ADCY5: variants seen among roughly 807,000 people sequenced by gnomAD.
The protein encoded by ADCY5 is adenylate cyclase 5.
A neutral mutation model predicts 119.7 loss-of-function variants in ADCY5; 30 were observed. The ratio of observed to expected loss-of-function variants is 0.25; its 90% confidence interval spans 0.19 to 0.34. The LOEUF (loss-of-function observed/expected upper bound fraction) is 0.34. ADCY5 is among the 10% of genes least tolerant of loss of function. The pLI is 1.00. For synonymous variants in ADCY5, 753 were observed against 762.2 expected (o/e 0.99, Z 0.20); for missense variants, 1,324 against 1,775.2 (o/e 0.75, Z 4.57).
At chr3:123,433,606 G>A (rs1945558819) in intron 1 of ADCY5, among the ~76,000 whole-genome samples, 1 of 152,198 alleles carries the variant, frequency 6.6e-6, no homozygotes, top group Non-Finnish European at 1.5e-5. Flanking sequence ...GGGTGTTGAT[G>A]GTGCTGGGGA....
At chr3:123,441,771 G>A (rs945002951) in intron 1 of ADCY5, among the ~76,000 whole-genome samples, 12 of 152,196 alleles carry the variant, frequency 7.9e-5, no homozygotes, top group African/African-American at 1.4e-4. Flanking sequence ...ATCAGAGGCC[G>A]TTGTATTTCA....
At chr3:123,332,731 C>A in intron 3 of ADCY5, 56 bp from the exon 4 acceptor site, 2 of 1,108,506 alleles carry the variant, frequency 1.8e-6, no homozygotes, top group Non-Finnish European at 2.7e-6. Flanking sequence ...TTGTGTCTCC[C>A]AAATTCATAC....
intron 1 of ADCY5, among the ~76,000 whole-genome samples, chr3:123,443,778 T>G (rs1162150814): frequency 6.6e-6 from 1 of 152,174 alleles, no homozygotes; most frequent in East Asian, 1.9e-4. Flanking sequence ...CGGGGACCCA[T>G]GCGGGGTCAG....
chr3:123,326,390 G>T (rs915521926), intron 7 of ADCY5, among the ~76,000 whole-genome samples: 10 of 152,200 alleles, frequency 6.6e-5, no homozygotes, highest in African/African-American at 2.2e-4. Context: ...GTCAGATGAG[G>T]TGACGGTGGG....
intron 1 of ADCY5, among the ~76,000 whole-genome samples, chr3:123,413,221 C>T (rs1945100818): frequency 6.6e-6 from 1 of 152,224 alleles, no homozygotes. Flanking sequence ...AAGCAGTGAC[C>T]TTTCGGAAGG....
In ADCY5 at chr3:123,415,783, G is replaced by C. The variant is rs537163979; in HGVS notation, c.1134+31629C>G. Among the ~76,000 whole-genome samples, 8 of 152,296 alleles carry C rather than the reference G, an allele frequency of 5.3e-5. No individual in the cohort carries two copies. The South Asian group carries it at 1.7e-3, about 32-fold the overall frequency. Reference sequence around the variant, plus strand: ...AGGTCGTTCACAGTGAGGAAACTGAGCATCTTTAGTGGACCCAGGATCACA... The same window carrying C: ...AGGTCGTTCACAGTGAGGAAACTGACCATCTTTAGTGGACCCAGGATCACA... On this transcript the variant is annotated intron_variant, in intron 1 of 20. Coordinates refer to ENST00000462833, the MANE Select transcript of ADCY5 (RefSeq NM_183357.3).
At chr3:123,291,999 C>A (rs1939184395) in intron 17 of ADCY5, among the ~76,000 whole-genome samples, 1 of 152,146 alleles carries the variant, frequency 6.6e-6, no homozygotes, top group Non-Finnish European at 1.5e-5. Flanking sequence ...TGGTTTTCCC[C>A]CAGTTTGGGT....
chr3:123,413,834 G>A (rs1945120843), intron 1 of ADCY5, among the ~76,000 whole-genome samples: 1 of 152,172 alleles, frequency 6.6e-6, no homozygotes, highest in African/African-American at 2.4e-5. Context: ...GGAGCAAATG[G>A]CAGCAGAGAG....
intron 1 of ADCY5, among the ~76,000 whole-genome samples, chr3:123,378,840 T>G (rs1029256386): frequency 3.9e-5 from 6 of 152,188 alleles, no homozygotes; most frequent in African/African-American, 1.4e-4. Context: ...AGGAGATGCT[T>G]GGCACCAACA....
chr3:123,316,625 A>C (rs1316932948), intron 11 of ADCY5, among the ~76,000 whole-genome samples: 1 of 152,230 alleles, frequency 6.6e-6, no homozygotes. Flanking sequence ...CTTTAGATGA[A>C]GCATGGCTTA....
intron 1 of ADCY5, among the ~76,000 whole-genome samples, chr3:123,361,522 A>C (rs531593624): frequency 7.4e-6 from 1 of 135,780 alleles, no homozygotes; most frequent in South Asian, 2.3e-4. Flanking sequence ...CCACGAACCT[A>C]CTTTCCACAC....
intron 1 of ADCY5, among the ~76,000 whole-genome samples, chr3:123,388,934 G>A (rs1346237534): frequency 6.6e-6 from 1 of 152,162 alleles, no homozygotes; most frequent in Non-Finnish European, 1.5e-5. Flanking sequence ...GAGTGAAGGA[G>A]GTGTTTCTAT....
chr3:123,448,464 G>A lies in ADCY5; in HGVS notation c.82C>T (p.His28Tyr). ...TCGGCCTCGCCCCACGCAGAGCGGT[G>A]TTCGGGGCCTCCCCGGGGCGCCGGC... ...AAPAPRGGPE[H>Y]RSAWGEADSR... Residue 28 changes from histidine to tyrosine, a missense_variant, in exon 1 of 21, where the codon CAC becomes TAC. Physicochemically the swap from His to Tyr is moderately conservative, Grantham distance 83. This residue lies in a region of ADCY5 where 585 missense variants were observed against 569.9 expected (regional missense o/e 1.03). Coordinates refer to ENST00000462833, the MANE Select transcript of ADCY5 (RefSeq NM_183357.3). 7.8e-7 allele frequency: 1 copy of A among 1,277,738 alleles called. No homozygotes were observed. The allele number at this position is 1,277,738 out of a possible 1,614,324, so 79.2% of individuals were successfully genotyped here.
intron 17 of ADCY5, among the ~76,000 whole-genome samples, chr3:123,293,567 GCA>G (rs1265654946): frequency 4.0e-5 from 6 of 151,536 alleles, no homozygotes; most frequent in African/African-American, 1.2e-4. Flanking sequence ...GCATGTGTGT[GCA>G]CACAGGTGAG....
chr3:123,370,958 C>A (rs544700990), intron 1 of ADCY5, among the ~76,000 whole-genome samples: 1 of 152,318 alleles, frequency 6.6e-6, no homozygotes, highest in Non-Finnish European at 1.5e-5. Context: ...AAGGCCACTC[C>A]AAGAATGGTT....
chr3:123,293,298 C>T (rs1448934672), intron 17 of ADCY5, among the ~76,000 whole-genome samples: 2 of 151,996 alleles, frequency 1.3e-5, no homozygotes, highest in Non-Finnish European at 2.9e-5. Context: ...GCCTACCAGC[C>T]AACTGTACAG....
intron 1 of ADCY5, among the ~76,000 whole-genome samples, chr3:123,375,281 C>T (rs534545619): frequency 1.5e-3 from 224 of 152,360 alleles, no homozygotes; most frequent in African/African-American, 5.2e-3. Context: ...CAGATATAAA[C>T]AGCTCTGCCT....
intron 1 of ADCY5, among the ~76,000 whole-genome samples, chr3:123,402,145 C>T (rs930304057): frequency 1.3e-5 from 2 of 152,162 alleles, no homozygotes; most frequent in Non-Finnish European, 2.9e-5. Flanking sequence ...TCTCTATGAG[C>T]TGAGATAGGC....
intron 3 of ADCY5, 69 bp from the exon 4 acceptor site, chr3:123,332,744 T>G (rs956940694): frequency 9.6e-7 from 1 of 1,038,622 alleles, no homozygotes; most frequent in African/African-American, 1.6e-5. Flanking sequence ...ATTCATACAT[T>G]ACATCTTTTT....
Sources: gnomAD v4.1 joint callset for allele counts (sites outside exome capture counted in the v4.1 genomes callset) on GRCh38, gnomAD v4.1.1 for gene constraint, gnomAD v4.1.1 regional missense constraint, MANE v1.5 for transcripts, NCBI Gene and HGNC (gene_info 2026-07-23, HGNC 2026-07-21) for gene names.